The following FCRL3 variants were observed in gnomAD, a reference collection of about 807,000 sequenced individuals.
The protein encoded by FCRL3 is Fc receptor like 3, also known as Fc receptor-like protein 3.
In FCRL3, 89 loss-of-function variants were observed where a neutral mutation model predicts 75.0. That is an observed-to-expected ratio of 1.19 (90% confidence interval 1.00 to 1.42). The LOEUF (loss-of-function observed/expected upper bound fraction) is 1.42, where lower values mean the gene tolerates loss of function less well. FCRL3 is among the 40% of genes most tolerant of loss of function. The pLI, the probability that FCRL3 is intolerant of heterozygous loss-of-function variation, is 0.00. For synonymous variants in FCRL3, 376 were observed against 348.5 expected, an observed-to-expected ratio of 1.08 and a Z score of -0.88; for missense variants, 946 against 880.0, an observed-to-expected ratio of 1.07 and a Z score of -0.95.
intron 11 of FCRL3, among the ~76,000 whole-genome samples, chr1:157,681,500 T>G (rs866257245): frequency 2.2e-4 from 33 of 150,654 alleles, no homozygotes; most frequent in Middle Eastern, 3.4e-3. Flanking sequence ...GTGTTTGGTT[T>G]TTTGTTCTTG....
At chr1:157,698,667 C>A in intron 3 of FCRL3, 38 bp from the exon 4 acceptor site, 1 of 1,610,404 alleles carries the variant, frequency 6.2e-7, no homozygotes, top group East Asian at 2.2e-5. Flanking sequence ...AGGGGAAGGT[C>A]AATGGGAGGT....
In FCRL3 at chr1:157,697,894, A is replaced by G. The variant is rs147203711; in HGVS notation, c.324T>C (p.His108=). ...TGACATTGTCTCCTTCAAAGACAGG[A>G]TGTAAAGCCTGCAGGATCAGCCAGT... The part of the protein sequence containing the change: ...SPDWLILQAL[H]PVFEGDNVIL... Residue 108 remains histidine, a synonymous_variant, in exon 5 of 15, where the codon CAT becomes CAC. Transcript: ENST00000368184. 6.2e-6 allele frequency: 10 copies of G among 1,614,022 alleles called. No individual in the cohort carries two copies. In the East Asian group the frequency reaches 2.2e-4, roughly 36 times the overall value.
At position 157,678,736 on chromosome 1, in the gene FCRL3, G is replaced by A. The variant is rs369044998; in HGVS notation, c.2179C>T (p.Arg727Cys). The A allele has an allele frequency of 1.7e-5, 27 of 1,613,790 alleles. No individual in the cohort carries two copies. The highest frequency in any genetic ancestry group is 9.9e-5 in the South Asian group (9 of 91,074). Reference sequence around the variant, plus strand: ...TAGTGGTCTGAGGCCAGTAATACACGTGGTACATTCTCATAGTTTTCTTCA... The same window carrying A: ...TAGTGGTCTGAGGCCAGTAATACACATGGTACATTCTCATAGTTTTCTTCA... ...DDEENYENVP[R>C]VLLASDH The change falls in exon 15 of 15, where the codon CGT becomes TGT. Residue 727 changes from arginine (R) to cysteine (C), a missense_variant. Arg to Cys is a radical substitution (Grantham distance 180, BLOSUM62 -3). Coordinates refer to ENST00000368184, the MANE Select transcript of FCRL3 (RefSeq NM_052939.4).
Position 157,697,407 on chromosome 1 carries a change from C to T in FCRL3, c.577G>A (p.Val193Met). The change falls in exon 6 of 15, where the codon GTG (valine) becomes ATG (methionine). Residue 193 changes from valine (V) to methionine (M), a missense_variant. Val to Met is a conservative substitution (Grantham distance 21). Transcript: ENST00000368184. ...IQVQELFLHPVLRASSSTPIE... is the reference protein window; with the variant it reads ...IQVQELFLHPMLRASSSTPIE... ...GGCGTGGAAGAGCTGGCTCTCAGCA[C>T]AGGATGTAGAAACAGCTCTAATGAA... 1 of 1,548,628 alleles carries T rather than the reference C, an allele frequency of 6.5e-7. No homozygotes were observed. The highest frequency in any genetic ancestry group is 1.3e-5 in the South Asian group (1 of 79,004).
intron 8 of FCRL3, 92 bp downstream of exon 8, chr1:157,695,237 A>T: frequency 7.5e-7 from 1 of 1,333,270 alleles, no homozygotes; most frequent in Non-Finnish European, 1.0e-6. Flanking sequence ...GTCTATTGGG[A>T]TATCAACCAG....
At chr1:157,681,600 C>G (rs1654854350) in intron 11 of FCRL3, among the ~76,000 whole-genome samples, 1 of 152,096 alleles carries the variant, frequency 6.6e-6, no homozygotes, top group Non-Finnish European at 1.5e-5. Context: ...GCATAGTATT[C>G]CATGGTGTAT....
Position 157,677,821 on chromosome 1 carries a change from G to T in FCRL3, c.*889C>A. 2 of 519,340 alleles carry T rather than the reference G, an allele frequency of 3.9e-6. No homozygotes were observed. The highest frequency in any genetic ancestry group is 4.9e-6 in the Non-Finnish European group (2 of 404,684). 32.2% of individuals were successfully genotyped at this position (519,340 alleles called of 1,614,324 possible). Reference sequence around the variant, plus strand: ...GGAAAACATGTAGATACATTAATATGATAGAAATAGGAGAGCATGGGAATA... The same window carrying T: ...GGAAAACATGTAGATACATTAATATTATAGAAATAGGAGAGCATGGGAATA... On this transcript the variant is annotated 3_prime_UTR_variant, in exon 15 of 15. Coordinates refer to ENST00000368184, the MANE Select transcript of FCRL3 (RefSeq NM_052939.4).
Position 157,698,564 on chromosome 1 carries a change from C to T in FCRL3, c.118G>A (p.Val40Met), listed in dbSNP as rs761638478. ...GATATGCTGCTGCATATGAGAGCCA[C>T]TTTTTCTCCTTTGAAGGCTGTGGAC... ...PWSTAFKGEK[V>M]ALICSSISHS... The change falls in exon 4 of 15, where the codon GTG becomes ATG. Residue 40 changes from valine to methionine, a missense_variant. By Grantham distance (21) the Val-to-Met change is conservative (BLOSUM62 1). Transcript: ENST00000368184. 19 of 1,613,956 alleles carry T rather than the reference C, an allele frequency of 1.2e-5. No individual in the cohort carries two copies. In the South Asian group the frequency reaches 1.9e-4, roughly 16 times the overall value.
chr1:157,692,263 G>A (rs1328928013), intron 8 of FCRL3, among the ~76,000 whole-genome samples: 5 of 151,472 alleles, frequency 3.3e-5, no homozygotes, highest in Non-Finnish European at 5.9e-5. Flanking sequence ...TTTTGAGACA[G>A]GGTCTCACTC....
chr1:157,683,453 C>T (rs1654975683), intron 10 of FCRL3, among the ~76,000 whole-genome samples: 1 of 152,148 alleles, frequency 6.6e-6, no homozygotes, highest in South Asian at 2.1e-4. Context: ...CCCAGAGTCA[C>T]ACTCATTCTG....
At chr1:157,700,294 ATT>A (rs1656231338) in intron 2 of FCRL3, among the ~76,000 whole-genome samples, 163 bp downstream of exon 2, 1 of 152,198 alleles carries the variant, frequency 6.6e-6, no homozygotes, top group African/African-American at 2.4e-5. Context: ...TGATGGTTGC[ATT>A]TGGAGCCTCT....
chr1:157,689,725 G>A, intron 10 of FCRL3, 73 bp downstream of exon 10: 1 of 1,594,524 alleles, frequency 6.3e-7, no homozygotes, highest in East Asian at 2.3e-5. Flanking sequence ...GACCTTTATA[G>A]GGTGCACCAG....
chr1:157,689,061 T>C (rs760143284), intron 10 of FCRL3, among the ~76,000 whole-genome samples: 9 of 152,158 alleles, frequency 5.9e-5, no homozygotes, highest in Non-Finnish European at 8.8e-5. Flanking sequence ...TAATCTGTAA[T>C]GGGGAGAGAT....
chr1:157,692,496 A>G (rs1655614298), intron 8 of FCRL3, among the ~76,000 whole-genome samples: 1 of 152,204 alleles, frequency 6.6e-6, no homozygotes, highest in Non-Finnish European at 1.5e-5. Context: ...TTGGCCTCCC[A>G]AAGTGCTGGG....
At position 157,695,359 on chromosome 1, in the gene FCRL3, G is replaced by C. The variant is rs758057519; in HGVS notation, c.1381C>G (p.His461Asp). The C allele has an allele frequency of 4.3e-6, 7 of 1,614,018 alleles. No individual in the cohort carries two copies. Among genetic ancestry groups the C allele is most frequent in the Non-Finnish European group, 5.9e-6 (7 of 1,179,982 alleles). ...CDADNGLGAQ[H>D]SHGVSLRVTV... ...ACCCTGAGACTCACTCCATGACTGT[G>C]CTGGGCCCCCAGGCCATTGTCTGCA... The change falls in exon 8 of 15, where the codon CAC becomes GAC. Residue 461 changes from histidine to aspartate, a missense_variant. His to Asp is a moderately conservative substitution (Grantham distance 81, BLOSUM62 -1). Transcript: ENST00000368184.
intron 4 of FCRL3, 81 bp downstream of exon 4, chr1:157,698,303 G>A: frequency 6.5e-7 from 1 of 1,538,908 alleles, no homozygotes; most frequent in South Asian, 1.2e-5. Flanking sequence ...TTACAACTCT[G>A]CCTAGGATCC....
chr1:157,700,499 C>A lies in FCRL3; in HGVS notation c.-10G>T. On this transcript the variant is annotated 5_prime_UTR_variant, in exon 2 of 15. Coordinates refer to ENST00000368184, the MANE Select transcript of FCRL3 (RefSeq NM_052939.4). ...GCAGCCACAGAAGCATGGGCACCGG[C>A]CGGGCAGAGGGTTGGGAAAGTCTGT... The A allele has an allele frequency of 6.2e-7, 1 of 1,613,968 alleles. No homozygotes were observed. The highest frequency in any genetic ancestry group is 8.5e-7 in the Non-Finnish European group (1 of 1,179,954).
At chr1:157,679,115 C>T (rs1654656067) in intron 13 of FCRL3, 142 bp from the exon 14 acceptor site, 1 of 930,768 alleles carries the variant, frequency 1.1e-6, no homozygotes, top group African/African-American at 1.7e-5. Context: ...CTTCCAAACC[C>T]ACATAGAAAA....
intron 10 of FCRL3, among the ~76,000 whole-genome samples, chr1:157,685,649 C>T (rs1226581054): frequency 6.6e-6 from 1 of 152,152 alleles, no homozygotes; most frequent in Admixed American, 6.6e-5. Context: ...ATGGAATATA[C>T]ATTCTTCTCA....
Sources: allele counts gnomAD v4.1 joint callset (sites outside exome capture counted in the v4.1 genomes callset), GRCh38; gene constraint gnomAD v4.1.1; transcripts MANE v1.5; gene names NCBI Gene and HGNC (gene_info 2026-07-23, HGNC 2026-07-21).